CCDC3: variants seen among roughly 807,000 people sequenced by gnomAD.
The protein encoded by CCDC3 is coiled-coil domain containing 3.
CCDC3 carries 24 observed loss-of-function variants against 21.4 expected under a neutral mutation model. The observed-to-expected ratio is 1.12, with a 90% CI of 0.81 to 1.58. CCDC3 has a LOEUF of 1.58. Ranked by LOEUF, CCDC3 falls within the 40% of genes most tolerant of loss-of-function variation. CCDC3 has a pLI of 0.00. For synonymous variants in CCDC3, 186 were observed against 166.0 expected, an observed-to-expected ratio of 1.12 and a Z score of -0.93; for missense variants, 425 against 360.9, an observed-to-expected ratio of 1.18 and a Z score of -1.44.
At chr10:12,941,767 A>G (rs1158420800) in intron 2 of CCDC3, among the ~76,000 whole-genome samples, 1 of 152,190 alleles carries the variant, frequency 6.6e-6, no homozygotes, top group Non-Finnish European at 1.5e-5. Flanking sequence ...TCTCCAAAAT[A>G]TGCCGCTTTG....
intron 2 of CCDC3, among the ~76,000 whole-genome samples, chr10:12,982,109 G>A (rs1835506856): frequency 2.0e-5 from 2 of 101,760 alleles, no homozygotes; most frequent in African/African-American, 8.0e-5. Context: ...GAGACAGAGA[G>A]AGACTCTGTC....
At chr10:12,944,413 A>C (rs951768340) in intron 2 of CCDC3, among the ~76,000 whole-genome samples, 1 of 152,192 alleles carries the variant, frequency 6.6e-6, no homozygotes, top group African/African-American at 2.4e-5. Flanking sequence ...TCTTTCAACC[A>C]ACTGCCAATC....
At chr10:13,044,727 A>G (rs1407746032) in intron 5 of CCDC3, among the ~76,000 whole-genome samples, 1 of 152,160 alleles carries the variant, frequency 6.6e-6, no homozygotes, top group Non-Finnish European at 1.5e-5. Context: ...TACCAGTACT[A>G]TGCAGCTTTA....
chr10:13,016,466 A>C (rs1452002598), intron 5 of CCDC3, among the ~76,000 whole-genome samples: 1 of 151,944 alleles, frequency 6.6e-6, no homozygotes, highest in African/African-American at 2.4e-5. Context: ...CATATTTCCT[A>C]CTTGTTCAGG....
chr10:12,985,432 T>C (rs1446214347), intron 2 of CCDC3, among the ~76,000 whole-genome samples: 1 of 152,256 alleles, frequency 6.6e-6, no homozygotes, highest in Non-Finnish European at 1.5e-5. Flanking sequence ...TGGGCATTTA[T>C]AACAGAGAAG....
At chr10:13,096,994 T>C (rs1832634866) in intron 3 of CCDC3, among the ~76,000 whole-genome samples, 1 of 152,176 alleles carries the variant, frequency 6.6e-6, no homozygotes, top group Non-Finnish European at 1.5e-5. Context: ...GCTGTACTTC[T>C]AAGAGCTGTT....
intron 2 of CCDC3, among the ~76,000 whole-genome samples, chr10:12,997,759 C>T (rs145779959): frequency 1.0e-3 from 153 of 152,264 alleles, no homozygotes; most frequent in Admixed American, 1.6e-3. Context: ...TTAAGCATTA[C>T]GCTAACGGAT....
intron 2 of CCDC3, among the ~76,000 whole-genome samples, chr10:12,992,717 A>G (rs1053260258): frequency 6.6e-6 from 1 of 152,190 alleles, no homozygotes; most frequent in Non-Finnish European, 1.5e-5. Context: ...ACTGCTCACG[A>G]GATGGGTGCA....
chr10:13,060,979 C>A (rs1472959998), intron 4 of CCDC3, among the ~76,000 whole-genome samples: 1 of 152,190 alleles, frequency 6.6e-6, no homozygotes, highest in Non-Finnish European at 1.5e-5. Flanking sequence ...GTAATAAAGG[C>A]ATGGCCCAAG....
chr10:12,921,683 A>AT (rs969829827), intron 2 of CCDC3, among the ~76,000 whole-genome samples: 3 of 152,042 alleles, frequency 2.0e-5, no homozygotes, highest in South Asian at 2.1e-4. Context: ...CACAACTATA[A>AT]TTTTTTTTGC....
intron 5 of CCDC3, among the ~76,000 whole-genome samples, chr10:13,019,181 C>G (rs980357312): frequency 6.6e-6 from 1 of 151,988 alleles, no homozygotes; most frequent in African/African-American, 2.4e-5. Context: ...TTACAGTGAG[C>G]CTTGATCGTG....
At chr10:12,985,713 T>C (rs1466857629) in intron 2 of CCDC3, among the ~76,000 whole-genome samples, 1 of 152,118 alleles carries the variant, frequency 6.6e-6, no homozygotes, top group African/African-American at 2.4e-5. Context: ...AATAACATTA[T>C]AGATATGGAG....
At chr10:13,014,023 C>T (rs1269971088) in intron 5 of CCDC3, among the ~76,000 whole-genome samples, 1 of 152,012 alleles carries the variant, frequency 6.6e-6, no homozygotes, top group Non-Finnish European at 1.5e-5. Flanking sequence ...TGGTGGCACA[C>T]ACCTGTAATC....
intron 2 of CCDC3, among the ~76,000 whole-genome samples, chr10:12,918,607 G>C (rs17592537): frequency 0.082 from 12,454 of 152,222 alleles, 704 homozygotes; most frequent in South Asian, 0.14. Context: ...GTTGATAACA[G>C]GATGATCACT....
intron 5 of CCDC3, among the ~76,000 whole-genome samples, chr10:13,027,030 C>T (rs1038186973): frequency 6.6e-6 from 1 of 152,196 alleles, no homozygotes. Flanking sequence ...GGTTTTGTCA[C>T]TGTGCCTTAG....
chr10:13,093,809 C>A (rs1222543683), intron 3 of CCDC3, among the ~76,000 whole-genome samples: 1 of 152,108 alleles, frequency 6.6e-6, no homozygotes, highest in South Asian at 2.1e-4. Context: ...ATCACTTGTA[C>A]TTTCCTACTA....
At chr10:12,956,668 C>A (rs1175499712) in intron 2 of CCDC3, among the ~76,000 whole-genome samples, 1 of 152,240 alleles carries the variant, frequency 6.6e-6, no homozygotes, top group African/African-American at 2.4e-5. Flanking sequence ...CTCTCCTGGA[C>A]TAAACTTTAG....
chr10:13,001,731 C>G (rs1835860183), upstream of CCDC3: 1 of 388,182 alleles, frequency 2.6e-6, no homozygotes, highest in Non-Finnish European at 3.6e-6. Flanking sequence ...CCTGGCGCGC[C>G]ACGCTTTAAA....
rs374924652 is a variant in CCDC3 at position 13,052,938 on chromosome 10, T to TCTCA, written c.-269-2998_-269-2997insTGAG. On this transcript the variant is annotated intron_variant, in intron 4 of 6. Coordinates refer to the CCDC3 transcript ENST00000378839. ...GCCTGGGCAGTAGATTGAGACTCTG[T>TCTCA]CACACACACACACACACACACACAC... Among the ~76,000 whole-genome samples, 5 of 134,336 alleles carry TCTCA rather than the reference T, an allele frequency of 3.7e-5. No individual in the cohort carries two copies. In the South Asian group the frequency reaches 1.0e-3, roughly 27 times the overall value. The allele number at this position is 134,336 out of a possible 152,430, so 88.1% of individuals were successfully genotyped here.
Sources: allele counts gnomAD v4.1 joint callset (sites outside exome capture counted in the v4.1 genomes callset), GRCh38; gene constraint gnomAD v4.1.1; transcripts MANE v1.5; gene names NCBI Gene and HGNC (gene_info 2026-07-23, HGNC 2026-07-21).